The following OSBPL3 variants were observed in gnomAD, a reference collection of about 807,000 sequenced individuals.
OSBPL3 encodes the protein oxysterol-binding protein-related protein 3.
A neutral mutation model predicts 120.1 loss-of-function variants in OSBPL3; 65 were observed. The observed-to-expected ratio is 0.54, with a 90% CI of 0.44 to 0.67. The LOEUF (loss-of-function observed/expected upper bound fraction) is 0.67. Ranked by LOEUF, OSBPL3 falls within the 30% of genes least tolerant of loss-of-function variation. The probability of loss-of-function intolerance (pLI) is 0.00; values close to 1 mark genes in which losing one functional copy is unlikely to be tolerated. For missense variants in OSBPL3, 1,004 were observed against 1,082.1 expected, an observed-to-expected ratio of 0.93 and a Z score of 1.01; for synonymous variants, 416 against 402.6, an observed-to-expected ratio of 1.03 and a Z score of -0.40.
intron 2 of OSBPL3, among the ~76,000 whole-genome samples, chr7:24,888,718 C>A (rs927899675): frequency 3.3e-5 from 5 of 152,140 alleles, no homozygotes; most frequent in Admixed American, 2.0e-4. Flanking sequence ...AGGACAGTAT[C>A]TCTACATAAA....
chr7:24,904,282 T>C (rs527976164), intron 1 of OSBPL3, among the ~76,000 whole-genome samples: 1 of 152,210 alleles, frequency 6.6e-6, no homozygotes, highest in South Asian at 2.1e-4. Flanking sequence ...AAAAGTACAG[T>C]TGAAATGTTA....
intron 2 of OSBPL3, 57 bp downstream of exon 2, chr7:24,892,320 C>G (rs1805471544): frequency 6.4e-7 from 1 of 1,571,150 alleles, no homozygotes; most frequent in African/African-American, 1.3e-5. Context: ...TGCATTTTAA[C>G]CAGCAAACTT....
rs1175433275 is a variant in OSBPL3, at chr7:24,796,765, CAA to C, written c.*3416_*3417del. On this transcript the variant is annotated 3_prime_UTR_variant, in exon 23 of 23. Transcript: ENST00000313367. This position sits in a 1 kb window ranked among gnomAD's most constrained non-coding sequence, Gnocchi z 5.2. Reference sequence around the variant, plus strand: ...AGCCACTTCTGATCACTGCATTCCCCAAAGTCTCTGAAAATGGTTTGCACTTT... The same window carrying C: ...AGCCACTTCTGATCACTGCATTCCCCAGTCTCTGAAAATGGTTTGCACTTT... 6.6e-6 allele frequency: 1 copy of C among 152,168 alleles called. No homozygotes were observed. The highest frequency in any genetic ancestry group is 1.5e-5 in the Non-Finnish European group (1 of 68,028). 9.4% of individuals were successfully genotyped at this position (152,168 alleles called of 1,614,324 possible).
intron 1 of OSBPL3, among the ~76,000 whole-genome samples, chr7:24,948,977 A>C (rs2128494147): frequency 6.6e-6 from 1 of 152,346 alleles, no homozygotes; most frequent in South Asian, 2.1e-4. Flanking sequence ...GACTTATCAA[A>C]AGAGTCTGCA....
At position 24,936,045 on chromosome 7, in the gene OSBPL3, C is replaced by CTT. The variant is rs370225980; in HGVS notation, c.-149-43426_-149-43425dup. On this transcript the variant is annotated intron_variant, in intron 1 of 22. Coordinates refer to ENST00000313367, the MANE Select transcript of OSBPL3 (RefSeq NM_015550.4). This position sits in a 1 kb window ranked among gnomAD's most constrained non-coding sequence, Gnocchi z 4.2. The stretch of plus-strand genomic sequence containing the variant: ...CTATCCCTCCCCCCTCCCCAGGAAT[C>CTT]TTTTTTTTTTATCACCATTTAATTC... 7.4e-6 allele frequency among the ~76,000 whole-genome samples: 1 copy of CTT among 136,008 alleles called. No homozygotes were observed. Among genetic ancestry groups the CTT allele is most frequent in the African/African-American group, 2.7e-5 (1 of 36,670 alleles). 89.2% of individuals were successfully genotyped at this position (136,008 alleles called of 152,430 possible).
At position 24,814,995 on chromosome 7, in the gene OSBPL3, C is replaced by T; in HGVS notation, c.2172+64G>A. 4 of 1,523,450 alleles carry T rather than the reference C, an allele frequency of 2.6e-6. No individual in the cohort carries two copies. In the South Asian group the frequency reaches 4.5e-5, roughly 17 times the overall value. 94.4% of individuals were successfully genotyped at this position (1,523,450 alleles called of 1,614,324 possible). ...CGAAAAATCTCTCAAATGCCCTGTG[C>T]TCTGGGGCCCTGGCTCTGCCACAGC... On this transcript the variant is annotated intron_variant, in intron 19 of 22. Coordinates refer to ENST00000313367, the MANE Select transcript of OSBPL3 (RefSeq NM_015550.4).
At position 24,871,723 on chromosome 7, in the gene OSBPL3, G is replaced by T. The variant is rs749313847; in HGVS notation, c.267+19C>A. 1.2e-5 allele frequency: 19 copies of T among 1,595,942 alleles called. 1 individual carries two copies. The Middle Eastern group carries it at 6.6e-4, about 56-fold the overall frequency. ...TTTAGGATTCTTCAATACCACAGTG[G>T]GCCCACAAAAAGACTTACATCGGTT... On this transcript the variant is annotated intron_variant, in intron 4 of 22. Transcript: ENST00000313367. This position sits in a 1 kb window ranked among gnomAD's most constrained non-coding sequence, Gnocchi z 4.8.
At chr7:24,839,638 A>G (rs1797447901) in intron 14 of OSBPL3, among the ~76,000 whole-genome samples, 1 of 152,132 alleles carries the variant, frequency 6.6e-6, no homozygotes, top group African/African-American at 2.4e-5. Flanking sequence ...ACCCCCTGAT[A>G]TCTCAGGGCA....
chr7:24,952,354 C>A lies in OSBPL3; in HGVS notation c.-150+27532G>T, dbSNP rs925787692. Reference sequence around the variant, plus strand: ...TGAGGCCCACAAGGCTCAAGTTTTGCCCAATGTCATGTAATCACTAATCAT... The same window carrying A: ...TGAGGCCCACAAGGCTCAAGTTTTGACCAATGTCATGTAATCACTAATCAT... On this transcript the variant is annotated intron_variant, in intron 1 of 22. Transcript: ENST00000313367. The surrounding 1 kb of genome is among the most constrained non-coding windows in gnomAD (Gnocchi z 4.4). Among the ~76,000 whole-genome samples, 3 of 152,162 alleles carry A rather than the reference C, an allele frequency of 2.0e-5. No homozygotes were observed. The highest frequency in any genetic ancestry group is 7.2e-5 in the African/African-American group (3 of 41,446).
At position 24,803,321 on chromosome 7, in the gene OSBPL3, A is replaced by G. The variant is rs2128097218; in HGVS notation, c.2567+994T>C. 6.6e-6 allele frequency among the ~76,000 whole-genome samples: 1 copy of G among 152,300 alleles called. No homozygotes were observed. The highest frequency in any genetic ancestry group is 1.5e-5 in the Non-Finnish European group (1 of 68,012). The stretch of plus-strand genomic sequence containing the variant: ...AAAAAAAGAAAACAGAAAAACTAAA[A>G]TCATATAGGCCCTGGCCTGGTAGTG... On this transcript the variant is annotated intron_variant, in intron 22 of 22. Coordinates refer to ENST00000313367, the MANE Select transcript of OSBPL3 (RefSeq NM_015550.4). The surrounding 1 kb of genome is among the most constrained non-coding windows in gnomAD (Gnocchi z 4.2).
intron 1 of OSBPL3, among the ~76,000 whole-genome samples, chr7:24,921,492 G>C (rs575148284): frequency 6.6e-6 from 1 of 152,242 alleles, no homozygotes; most frequent in East Asian, 1.9e-4. Flanking sequence ...ATGTGCCCAG[G>C]CCAGCCCAGA....
chr7:24,833,787 C>T lies in OSBPL3; in HGVS notation c.1746+699G>A, dbSNP rs1237121656. 6.6e-6 allele frequency among the ~76,000 whole-genome samples: 1 copy of T among 152,166 alleles called. No homozygotes were observed. Among genetic ancestry groups the T allele is most frequent in the African/African-American group, 2.4e-5 (1 of 41,424 alleles). On this transcript the variant is annotated intron_variant, in intron 15 of 22. Transcript: ENST00000313367. This position sits in a 1 kb window ranked among gnomAD's most constrained non-coding sequence, Gnocchi z 4.4. ...ACAGTCATAGAGAGGGCTGATCTGCCCAGAGTCTTGCCCTTTGGGTACTCC... is the reference window on the plus strand; with the variant it reads ...ACAGTCATAGAGAGGGCTGATCTGCTCAGAGTCTTGCCCTTTGGGTACTCC...
intron 1 of OSBPL3, among the ~76,000 whole-genome samples, chr7:24,908,896 T>C (rs1488955965): frequency 6.6e-6 from 1 of 152,212 alleles, no homozygotes; most frequent in Non-Finnish European, 1.5e-5. Flanking sequence ...CAAACACACT[T>C]GTCCTCAAAA....
chr7:24,822,505 C>T lies in OSBPL3; in HGVS notation c.1885-2267G>A, dbSNP rs1456072531. ...CTTCTCCACCCCAGCTGGCATGACC[C>T]ACTATGAAATGGAAGGAAAGCTATG... On this transcript the variant is annotated intron_variant, in intron 16 of 22. Transcript: ENST00000313367. The surrounding 1 kb of genome is among the most constrained non-coding windows in gnomAD (Gnocchi z 5.8). 2.0e-5 allele frequency among the ~76,000 whole-genome samples: 3 copies of T among 152,140 alleles called. No homozygotes were observed. Among genetic ancestry groups the T allele is most frequent in the African/African-American group, 4.8e-5 (2 of 41,426 alleles).
At chr7:24,924,523 T>C (rs1810799133) in intron 1 of OSBPL3, among the ~76,000 whole-genome samples, 1 of 152,216 alleles carries the variant, frequency 6.6e-6, no homozygotes, top group Non-Finnish European at 1.5e-5. Flanking sequence ...TTCTAAGAAT[T>C]GCCGTCATCT....
chr7:24,932,061 T>C lies in OSBPL3; in HGVS notation c.-149-39440A>G, dbSNP rs1811857052. ...AGACTAGATGAATGATAATCTCTCC[T>C]TAACAAAGGCCAGAGGGCTTTCCCT... On this transcript the variant is annotated intron_variant, in intron 1 of 22. Coordinates refer to ENST00000313367, the MANE Select transcript of OSBPL3 (RefSeq NM_015550.4). The surrounding 1 kb of genome is among the most constrained non-coding windows in gnomAD (Gnocchi z 5.6). Among the ~76,000 whole-genome samples, 1 of 152,142 alleles carries C rather than the reference T, an allele frequency of 6.6e-6. No individual in the cohort carries two copies. Among genetic ancestry groups the C allele is most frequent in the South Asian group, 2.1e-4 (1 of 4,830 alleles).
chr7:24,861,746 T>C lies in OSBPL3; in HGVS notation c.894A>G (p.Pro298=), dbSNP rs763143839. 15 of 1,598,344 alleles carry C rather than the reference T, an allele frequency of 9.4e-6. No individual in the cohort carries two copies. Among genetic ancestry groups the C allele is most frequent in the South Asian group, 5.7e-5 (5 of 87,470 alleles). ...TLQVPKPFSG[P]VRLHSSNPNL... is the part of the protein sequence containing the mutation. ...TAGGATTGGAGGAGTGTAGTCTTAC[T>C]GGGCCAGAAAAAGGTTTCGGGACCT... Residue 298 remains proline (P), a synonymous_variant, in exon 10 of 23, where the codon CCA becomes CCG. Coordinates refer to ENST00000313367, the MANE Select transcript of OSBPL3 (RefSeq NM_015550.4).
At chr7:24,850,543 C>T (rs1283894544) in intron 11 of OSBPL3, among the ~76,000 whole-genome samples, 1 of 152,166 alleles carries the variant, frequency 6.6e-6, no homozygotes, top group South Asian at 2.1e-4. Context: ...CCTGGATCTC[C>T]AACAGGGATG....
At chr7:24,843,349 C>G (rs891930767) in intron 12 of OSBPL3, among the ~76,000 whole-genome samples, 1 of 152,160 alleles carries the variant, frequency 6.6e-6, no homozygotes, top group Admixed American at 6.6e-5. Context: ...AGATTCAGGA[C>G]AGGATGATTT....
Sources: allele counts gnomAD v4.1 joint callset (sites outside exome capture counted in the v4.1 genomes callset), GRCh38; gene constraint gnomAD v4.1.1; non-coding constraint Gnocchi (gnomAD v3.1); transcripts MANE v1.5; gene names NCBI Gene and HGNC (gene_info 2026-07-23, HGNC 2026-07-21).